The following TMEM135 variants were observed in gnomAD, a reference collection of about 807,000 sequenced individuals.
The protein encoded by TMEM135 is peroxisomal membrane protein 52.
Under a neutral mutation model 60.3 loss-of-function variants are expected in TMEM135, and 30 were observed. The observed-to-expected ratio is 0.50, with a 90% CI of 0.37 to 0.68. TMEM135 has a LOEUF of 0.68. Among genes scored for constraint, TMEM135 ranks in the 30% least tolerant of loss-of-function variants. The probability of loss-of-function intolerance (pLI) is 0.00; values close to 1 mark genes in which losing one functional copy is unlikely to be tolerated. For missense variants in TMEM135, 468 were observed against 548.8 expected (o/e 0.85, Z 1.47); for synonymous variants, 190 against 186.7 (o/e 1.02, Z -0.14).
At chr11:87,260,025 C>A (rs1941615749) in intron 6 of TMEM135, among the ~76,000 whole-genome samples, 1 of 152,164 alleles carries the variant, frequency 6.6e-6, no homozygotes, top group Non-Finnish European at 1.5e-5. Flanking sequence ...TTTGTGACAG[C>A]TTAGGACCTC....
rs10792932 is a variant in TMEM135 at position 87,274,862 on chromosome 11, A to T, written c.510-20920A>T. On this transcript the variant is annotated intron_variant, in intron 6 of 14. Coordinates refer to ENST00000305494, the MANE Select transcript of TMEM135 (RefSeq NM_022918.4). ...TTTATATATGTGTGTATATATATGCATATATATTTATATATATGTATTATA... is the reference window on the plus strand; with the variant it reads ...TTTATATATGTGTGTATATATATGCTTATATATTTATATATATGTATTATA... Among the ~76,000 whole-genome samples, 203 of 147,834 alleles carry T rather than the reference A, an allele frequency of 1.4e-3. 1 individual carries two copies. The highest frequency in any genetic ancestry group is 4.5e-3 in the African/African-American group (180 of 40,388).
At chr11:87,189,037 G>C (rs1939722643) in intron 5 of TMEM135, among the ~76,000 whole-genome samples, 1 of 151,460 alleles carries the variant, frequency 6.6e-6, no homozygotes, top group South Asian at 2.1e-4. Context: ...TTTCATGTCT[G>C]TAATAATGCT....
At chr11:87,149,032 T>TTGTGTGTGTGTGTGTGTGTG (rs553840798) in intron 4 of TMEM135, among the ~76,000 whole-genome samples, 1 of 143,598 alleles carries the variant, frequency 7.0e-6, no homozygotes, top group Non-Finnish European at 1.5e-5. Context: ...CCCCATACCT[T>TTGTGTGTGTGTGTGTGTGTG]TGTGTGTGTG....
At chr11:87,061,799 G>A (rs770811850) in intron 1 of TMEM135, among the ~76,000 whole-genome samples, 38 of 152,310 alleles carry the variant, frequency 2.5e-4, no homozygotes, top group Middle Eastern at 3.4e-3. Context: ...ATATAGTGCT[G>A]ATGGATGTTT....
chr11:87,215,882 C>G (rs75206997), intron 5 of TMEM135, among the ~76,000 whole-genome samples: 3,135 of 152,274 alleles, frequency 0.021, 34 homozygotes, highest in South Asian at 0.031. Flanking sequence ...CCTCTCCCTT[C>G]TATGCTGAAT....
chr11:87,305,537 G>A (rs1421099271), intron 8 of TMEM135, among the ~76,000 whole-genome samples: 1 of 152,134 alleles, frequency 6.6e-6, no homozygotes, highest in African/African-American at 2.4e-5. Context: ...ACTTTGGGAG[G>A]CCGAGGCAGG....
chr11:87,230,534 T>G (rs1222557209), intron 5 of TMEM135, among the ~76,000 whole-genome samples: 1 of 152,102 alleles, frequency 6.6e-6, no homozygotes, highest in Admixed American at 6.6e-5. Flanking sequence ...ATAGGTAGTA[T>G]TATATTGTTT....
At chr11:87,239,068 C>T (rs1941070910) in intron 6 of TMEM135, among the ~76,000 whole-genome samples, 1 of 151,968 alleles carries the variant, frequency 6.6e-6, no homozygotes, top group Non-Finnish European at 1.5e-5. Context: ...CTGCTGCCAT[C>T]AACCCAGTAT....
intron 1 of TMEM135, among the ~76,000 whole-genome samples, chr11:87,061,752 T>A (rs1949948881): frequency 6.6e-6 from 1 of 152,152 alleles, no homozygotes; most frequent in Non-Finnish European, 1.5e-5. Flanking sequence ...GCAGCACTAA[T>A]CACATGGGGA....
intron 2 of TMEM135, among the ~76,000 whole-genome samples, chr11:87,070,900 T>C (rs1349657770): frequency 6.6e-6 from 1 of 152,222 alleles, no homozygotes; most frequent in Non-Finnish European, 1.5e-5. Context: ...ATAGTCATAA[T>C]AATAGTGATA....
intron 5 of TMEM135, among the ~76,000 whole-genome samples, chr11:87,201,523 T>C (rs1384334982): frequency 6.6e-6 from 1 of 152,210 alleles, no homozygotes; most frequent in Admixed American, 6.5e-5. Context: ...AATCTTGTGA[T>C]TATACAGCTC....
At chr11:87,244,485 T>C (rs1941211429) in intron 6 of TMEM135, among the ~76,000 whole-genome samples, 1 of 96,906 alleles carries the variant, frequency 1.0e-5, no homozygotes, top group African/African-American at 3.9e-5. Flanking sequence ...TGTCCTGGAC[T>C]CTTTTTGGTT....
intron 4 of TMEM135, among the ~76,000 whole-genome samples, chr11:87,151,076 A>T (rs1046891463): frequency 1.3e-5 from 2 of 151,982 alleles, no homozygotes; most frequent in African/African-American, 4.8e-5. Flanking sequence ...GGTTGTTTTG[A>T]TTCCTGTTTC....
At chr11:87,109,810 A>G (rs1460206986) in intron 4 of TMEM135, among the ~76,000 whole-genome samples, 1 of 140,910 alleles carries the variant, frequency 7.1e-6, no homozygotes, top group Non-Finnish European at 1.5e-5. Context: ...ACTTTGAAAT[A>G]ATTTAAAAGC....
intron 5 of TMEM135, among the ~76,000 whole-genome samples, chr11:87,207,072 G>T (rs1032546332): frequency 1.3e-5 from 2 of 152,172 alleles, no homozygotes; most frequent in Admixed American, 6.5e-5. Flanking sequence ...ACTATAATCA[G>T]ATATTTTTCT....
Position 87,077,730 on chromosome 11 carries a change from C to T in TMEM135, c.362+6115C>T, listed in dbSNP as rs1856903772. On this transcript the variant is annotated intron_variant, in intron 3 of 14. Coordinates refer to ENST00000305494, the MANE Select transcript of TMEM135 (RefSeq NM_022918.4). ...ACACTTTATTCACCTCAAATAGAAA[C>T]CCCTTTAACTGTCACCCCCTAATCC... Among the ~76,000 whole-genome samples the T allele has an allele frequency of 2.0e-5, 3 of 152,146 alleles. 1 individual carries two copies. The South Asian group carries it at 6.2e-4, about 32-fold the overall frequency.
At chr11:87,298,859 A>G (rs1014436189) in intron 7 of TMEM135, among the ~76,000 whole-genome samples, 6 of 150,656 alleles carry the variant, frequency 4.0e-5, no homozygotes, top group African/African-American at 1.5e-4. Flanking sequence ...AGGCCAAGGC[A>G]GGTAGATCAC....
chr11:87,319,857 TAGAA>T (rs1190944794), intron 14 of TMEM135, among the ~76,000 whole-genome samples: 2 of 152,196 alleles, frequency 1.3e-5, no homozygotes, highest in Non-Finnish European at 2.9e-5. Context: ...TTTGACCTAA[TAGAA>T]AGAGCATGGG....
chr11:87,182,027 A>G (rs1040537875), intron 5 of TMEM135, among the ~76,000 whole-genome samples: 1 of 151,496 alleles, frequency 6.6e-6, no homozygotes. Flanking sequence ...TATTCTTATT[A>G]AAGTGTAAGA....
Sources: allele counts gnomAD v4.1 joint callset (sites outside exome capture counted in the v4.1 genomes callset), GRCh38; gene constraint gnomAD v4.1.1; transcripts MANE v1.5; gene names NCBI Gene and HGNC (gene_info 2026-07-23, HGNC 2026-07-21).